CNGA1: variants seen among roughly 807,000 people sequenced by gnomAD.
The protein encoded by CNGA1 is cyclic nucleotide gated channel subunit alpha 1.
In CNGA1, 53 loss-of-function variants were observed where a neutral mutation model predicts 69.7. The observed-to-expected ratio is 0.76, with a 90% CI of 0.61 to 0.96. The LOEUF (loss-of-function observed/expected upper bound fraction) is 0.96, where lower values mean the gene tolerates loss of function less well. CNGA1 is among the 40% of genes least tolerant of loss of function. The pLI is 0.00. For missense variants in CNGA1, 739 were observed against 811.2 expected (o/e 0.91, Z 1.08); for synonymous variants, 249 against 283.5 (o/e 0.88, Z 1.22).
chr4:47,953,137 C>A (rs960606889), intron 3 of CNGA1, among the ~76,000 whole-genome samples: 2 of 152,116 alleles, frequency 1.3e-5, no homozygotes, highest in African/African-American at 2.4e-5. Flanking sequence ...ACAGCCAAAC[C>A]ATATCAACCC....
chr4:47,983,359 G>A (rs1434135342), intron 2 of CNGA1, among the ~76,000 whole-genome samples: 1 of 152,040 alleles, frequency 6.6e-6, no homozygotes, highest in African/African-American at 2.4e-5. Context: ...GGGAGGCTGA[G>A]GCGGGTAGAT....
intron 3 of CNGA1, among the ~76,000 whole-genome samples, chr4:47,978,315 A>G (rs780708518): frequency 6.6e-6 from 1 of 152,084 alleles, no homozygotes; most frequent in Non-Finnish European, 1.5e-5. Flanking sequence ...AACATATTAA[A>G]TTTTTATCAC....
At chr4:47,992,562 T>C (rs1215937551) in intron 2 of CNGA1, among the ~76,000 whole-genome samples, 2 of 152,156 alleles carry the variant, frequency 1.3e-5, no homozygotes, top group East Asian at 1.9e-4. Context: ...TCTATGAGTT[T>C]TCTGGAGGAG....
intron 10 of CNGA1, among the ~76,000 whole-genome samples, chr4:47,938,658 TG>T (rs896704515): frequency 2.6e-5 from 4 of 152,260 alleles, no homozygotes; most frequent in Non-Finnish European, 4.4e-5. Context: ...CCCAAAGTGC[TG>T]GGATTACAGG....
chr4:47,974,028 AC>A (rs1341240863), intron 3 of CNGA1, among the ~76,000 whole-genome samples: 2 of 152,028 alleles, frequency 1.3e-5, no homozygotes, highest in Non-Finnish European at 2.9e-5. Flanking sequence ...CCCCATCAAT[AC>A]AAAAAATACA....
chr4:47,969,367 G>A (rs1222233525), intron 3 of CNGA1, among the ~76,000 whole-genome samples: 1 of 152,090 alleles, frequency 6.6e-6, no homozygotes, highest in African/African-American at 2.4e-5. Flanking sequence ...TTTCCATAGA[G>A]CAGAAACACA....
In CNGA1 at chr4:47,936,732, A is replaced by T; in HGVS notation, c.1750T>A (p.Tyr584Asn). The T allele has an allele frequency of 6.2e-7, 1 of 1,614,150 alleles. No individual in the cohort carries two copies. The highest frequency in any genetic ancestry group is 8.5e-7 in the Non-Finnish European group (1 of 1,180,022). Residue 584 changes from tyrosine to asparagine, a missense_variant, in exon 11 of 11, where the codon TAC becomes AAC. Transcript: ENST00000514170. ...TCCAGCATAGTTTTGGCATCTGGGT[A>T]CTCAGTTAGAGCTTCCATGAGGTCA... Reference protein sequence around the residue: ...KDDLMEALTEYPDAKTMLEEK... With the variant: ...KDDLMEALTENPDAKTMLEEK...
chr4:48,003,059 C>T (rs190475809), intron 2 of CNGA1, among the ~76,000 whole-genome samples: 1 of 152,316 alleles, frequency 6.6e-6, no homozygotes, highest in East Asian at 1.9e-4. Flanking sequence ...CCCCATGACA[C>T]AGCCTCAGGA....
chr4:47,959,672 A>G (rs1422225668), intron 3 of CNGA1, among the ~76,000 whole-genome samples: 2 of 152,180 alleles, frequency 1.3e-5, no homozygotes, highest in Non-Finnish European at 2.9e-5. Context: ...CAGTGGCGCC[A>G]TCTCGGCTAA....
rs1739640111 is a variant in CNGA1 at position 47,949,913 on chromosome 4, T to C, written c.225-18A>G. 6.2e-7 allele frequency: 1 copy of C among 1,613,048 alleles called. No individual in the cohort carries two copies. The highest frequency in any genetic ancestry group is 1.1e-5 in the South Asian group (1 of 91,050). ...ACTGCTCCCTGGGAAATGAAAAACA[T>C]GCAGTGAAATCACAGTAGTCACCAT... On this transcript the variant is annotated intron_variant, in intron 5 of 10. Coordinates refer to ENST00000514170, the MANE Select transcript of CNGA1 (RefSeq NM_001379270.1).
chr4:47,973,573 T>G (rs1741162969), intron 3 of CNGA1, among the ~76,000 whole-genome samples: 1 of 152,158 alleles, frequency 6.6e-6, no homozygotes, highest in Non-Finnish European at 1.5e-5. Context: ...TATTTACATA[T>G]TATTTGCTAT....
intron 3 of CNGA1, among the ~76,000 whole-genome samples, chr4:47,971,951 C>T (rs1298901933): frequency 5.9e-5 from 9 of 152,054 alleles, no homozygotes; most frequent in African/African-American, 1.4e-4. Flanking sequence ...CTGTAATCTC[C>T]CAGTCCCTTC....
At chr4:47,944,656 G>A (rs1241396576) in intron 6 of CNGA1, among the ~76,000 whole-genome samples, 1 of 152,144 alleles carries the variant, frequency 6.6e-6, no homozygotes, top group Non-Finnish European at 1.5e-5. Context: ...TTCCCAAAGA[G>A]GGCTCAAAGG....
At position 48,016,671 on chromosome 4, in the gene CNGA1, C is replaced by A. The variant is rs1036900606; in HGVS notation, c.-411G>T. On this transcript the variant is annotated 5_prime_UTR_variant, in exon 1 of 11. Coordinates refer to ENST00000514170, the MANE Select transcript of CNGA1 (RefSeq NM_001379270.1). ...GCAACAAGCCCCGGGCAGCAGGGCT[C>A]GGCTGGCGCTGAGGCCCCGCCTGGC... The A allele has an allele frequency of 3.4e-6, 2 of 596,440 alleles. No individual in the cohort carries two copies. The highest frequency in any genetic ancestry group is 2.8e-6 in the Non-Finnish European group (1 of 355,698). The allele number at this position is 596,440 out of a possible 1,614,324, so 36.9% of individuals were successfully genotyped here. A position where few individuals can be genotyped will look rare whatever the true frequency, so the allele number is the denominator to read the frequency against.
chr4:47,992,906 G>A (rs1443733687), intron 2 of CNGA1, among the ~76,000 whole-genome samples: 1 of 152,028 alleles, frequency 6.6e-6, no homozygotes, highest in Non-Finnish European at 1.5e-5. Flanking sequence ...ATAAAAGGAT[G>A]TTGGATTTTG....
chr4:47,974,148 TA>T (rs1741219524), intron 3 of CNGA1, among the ~76,000 whole-genome samples: 1 of 151,840 alleles, frequency 6.6e-6, no homozygotes, highest in African/African-American at 2.4e-5. Flanking sequence ...GATAAAACTT[TA>T]AAAATAAAAT....
chr4:47,957,809 C>A (rs1740176601), intron 3 of CNGA1, among the ~76,000 whole-genome samples: 1 of 151,500 alleles, frequency 6.6e-6, no homozygotes, highest in Non-Finnish European at 1.5e-5. Flanking sequence ...ATTAAGGTTT[C>A]AAAAATTCAG....
chr4:47,971,651 T>G (rs1487299427), intron 3 of CNGA1, among the ~76,000 whole-genome samples: 3 of 152,158 alleles, frequency 2.0e-5, no homozygotes, highest in Admixed American at 6.5e-5. Flanking sequence ...CAGCAAACTT[T>G]GGGAGGCCAA....
chr4:48,005,118 T>TTATG (rs1714860210), intron 2 of CNGA1, among the ~76,000 whole-genome samples: 1 of 145,470 alleles, frequency 6.9e-6, no homozygotes, highest in Admixed American at 6.9e-5. Context: ...ATTTATTTAT[T>TTATG]TATTTATTTA....
Sources: gnomAD v4.1 joint callset for allele counts (sites outside exome capture counted in the v4.1 genomes callset) on GRCh38, gnomAD v4.1.1 for gene constraint, MANE v1.5 for transcripts, NCBI Gene and HGNC (gene_info 2026-07-23, HGNC 2026-07-21) for gene names.